The following PPME1 variants were observed in gnomAD, a reference collection of about 807,000 sequenced individuals.
The protein encoded by PPME1 is testicular secretory protein Li 39.
In PPME1, 17 loss-of-function variants were observed where a neutral mutation model predicts 56.9. The observed-to-expected ratio is 0.30, with a 90% confidence interval of 0.20 to 0.45. PPME1 has a LOEUF of 0.45. PPME1 is among the 20% of genes least tolerant of loss of function. The probability of loss-of-function intolerance (pLI) is 1.00; values close to 1 mark genes in which losing one functional copy is unlikely to be tolerated. For synonymous variants in PPME1, 122 were observed against 156.2 expected (o/e 0.78, Z 1.63); for missense variants, 357 against 483.2 (o/e 0.74, Z 2.45).
At chr11:74,202,204 T>G (rs1235058845) in intron 1 of PPME1, among the ~76,000 whole-genome samples, 1 of 152,232 alleles carries the variant, frequency 6.6e-6, no homozygotes, top group Non-Finnish European at 1.5e-5. Context: ...TTCCAAATCA[T>G]GTACTCTATC....
chr11:74,244,254 G>A (rs1859450597), intron 9 of PPME1, among the ~76,000 whole-genome samples: 1 of 152,138 alleles, frequency 6.6e-6, no homozygotes, highest in Admixed American at 6.5e-5. Flanking sequence ...CCCTCTTTGA[G>A]ATTCTGTTTT....
chr11:74,251,945 G>C (rs1436201542), intron 13 of PPME1: 1 of 717,872 alleles, frequency 1.4e-6, no homozygotes, highest in Non-Finnish European at 2.6e-6. Context: ...ATTAAATTGT[G>C]CCTAGTCTCA....
intron 7 of PPME1, among the ~76,000 whole-genome samples, chr11:74,235,030 T>G (rs187826325): frequency 6.6e-5 from 10 of 152,328 alleles, no homozygotes; most frequent in Admixed American, 4.6e-4. Flanking sequence ...ATTTGGTAGT[T>G]AAAAGATGAG....
intron 3 of PPME1, among the ~76,000 whole-genome samples, chr11:74,212,169 C>T (rs7949400): frequency 1.7e-4 from 26 of 152,220 alleles, no homozygotes; most frequent in Non-Finnish European, 2.5e-4. Context: ...TTGCGTGGAA[C>T]GGAGAGAGAA....
At chr11:74,209,263 C>T (rs1158984838) in intron 3 of PPME1, among the ~76,000 whole-genome samples, 1 of 152,082 alleles carries the variant, frequency 6.6e-6, no homozygotes, top group East Asian at 1.9e-4. Flanking sequence ...CGCGCTGCCA[C>T]ACTAGCTATT....
chr11:74,252,222 C>T (rs1258454380), intron 13 of PPME1, among the ~76,000 whole-genome samples: 2 of 149,834 alleles, frequency 1.3e-5, no homozygotes, highest in Non-Finnish European at 3.0e-5. Context: ...CGTACGCCAC[C>T]GTACCCGGCT....
intron 2 of PPME1, 121 bp from the exon 3 acceptor site, chr11:74,204,232 C>A: frequency 1.5e-6 from 1 of 683,298 alleles, no homozygotes. Flanking sequence ...AGTCTGCTTA[C>A]ATCTCTTACA....
At position 74,251,633 on chromosome 11, in the gene PPME1, C is replaced by A. The variant is rs755800681; in HGVS notation, c.1075-15C>A. 6.2e-7 allele frequency: 1 copy of A among 1,612,218 alleles called. No homozygotes were observed. Among genetic ancestry groups the A allele is most frequent in the Admixed American group, 1.7e-5 (1 of 59,984 alleles). On this transcript the variant is annotated splice_polypyrimidine_tract_variant and intron_variant, in intron 12 of 13. Coordinates refer to ENST00000328257, the MANE Select transcript of PPME1 (RefSeq NM_016147.3). ...CTAACCTTTATATGGCCTGGAATAT[C>A]TCTCCCATTTCCAGGTAGCTGAAGC...
rs929895686 is a variant in PPME1, at chr11:74,253,568, A to G, written c.*58A>G. Reference sequence around the variant, plus strand: ...CTCTGTTGTAAATACGTCGCACCAGAGGCCACTGTGATGCCACTGTCTCCT... The same window carrying G: ...CTCTGTTGTAAATACGTCGCACCAGGGGCCACTGTGATGCCACTGTCTCCT... On this transcript the variant is annotated 3_prime_UTR_variant, in exon 14 of 14. Coordinates refer to ENST00000328257, the MANE Select transcript of PPME1 (RefSeq NM_016147.3). 3.2e-5 allele frequency: 49 copies of G among 1,545,226 alleles called. No individual in the cohort carries two copies. Among genetic ancestry groups the G allele is most frequent in the Non-Finnish European group, 4.2e-5 (47 of 1,117,662 alleles).
chr11:74,221,394 A>G (rs17132846), intron 3 of PPME1, among the ~76,000 whole-genome samples: 15,879 of 152,212 alleles, frequency 0.1, 2,168 homozygotes, highest in African/African-American at 0.32. Flanking sequence ...ATTCATTAGA[A>G]TAATAGAAAT....
chr11:74,223,950 A>G lies in PPME1; in HGVS notation c.347-1255A>G, dbSNP rs534492302. Among the ~76,000 whole-genome samples the G allele has an allele frequency of 2.7e-3, 412 of 151,600 alleles. 2 individuals are homozygous for G. The highest frequency in any genetic ancestry group is 8.8e-3 in the African/African-American group (366 of 41,368). ...TGTGCAGAAGCTCTTTAGTTTAATT[A>G]GATCCCATTTGTCAATTTTGTCTTT... On this transcript the variant is annotated intron_variant, in intron 4 of 13. Transcript: ENST00000328257.
intron 1 of PPME1, among the ~76,000 whole-genome samples, chr11:74,189,248 A>C (rs1047376938): frequency 6.6e-6 from 1 of 152,146 alleles, no homozygotes; most frequent in African/African-American, 2.4e-5. Flanking sequence ...AAATATAATA[A>C]ATAAATAAAA....
At chr11:74,235,225 C>G (rs752601835) in intron 7 of PPME1, among the ~76,000 whole-genome samples, 8 of 152,176 alleles carry the variant, frequency 5.3e-5, no homozygotes, top group Non-Finnish European at 1.0e-4. Flanking sequence ...TCATTTTGCT[C>G]TGCCTTAGTT....
chr11:74,238,263 AACTTAC>A (rs1303240124), intron 8 of PPME1: 1 of 152,116 alleles, frequency 6.6e-6, no homozygotes, highest in Non-Finnish European at 1.5e-5. Context: ...AACATTTGTG[AACTTAC>A]ACTTCACTGA....
chr11:74,185,447 GT>G (rs780318150), intron 1 of PPME1, among the ~76,000 whole-genome samples: 2 of 152,206 alleles, frequency 1.3e-5, no homozygotes, highest in Admixed American at 6.5e-5. Flanking sequence ...TTTTCTTGCT[GT>G]TTTGGCAGAA....
intron 1 of PPME1, among the ~76,000 whole-genome samples, chr11:74,193,772 T>A (rs73565812): frequency 0.017 from 2,633 of 152,318 alleles, 76 homozygotes; most frequent in African/African-American, 0.06. Flanking sequence ...TAAACTTGAC[T>A]ATTTGTTTTT....
At chr11:74,251,133 C>CT in intron 12 of PPME1, 115 bp downstream of exon 12, 1 of 1,512,838 alleles carries the variant, frequency 6.6e-7, no homozygotes, top group Non-Finnish European at 8.9e-7. Flanking sequence ...GCTGTGGAGC[C>CT]TATGCAGATG....
chr11:74,222,568 A>G (rs1858825983), intron 4 of PPME1, 199 bp downstream of exon 4: 1 of 520,780 alleles, frequency 1.9e-6, no homozygotes, highest in African/African-American at 2.0e-5. Context: ...AGCTCACTGC[A>G]ACCTCTGCCT....
chr11:74,245,271 G>A (rs1279317636), intron 9 of PPME1, among the ~76,000 whole-genome samples: 1 of 151,612 alleles, frequency 6.6e-6, no homozygotes, highest in African/African-American at 2.4e-5. Flanking sequence ...ATTACTTTGG[G>A]TAGTATGGAC....
Sources: allele counts gnomAD v4.1 joint callset (sites outside exome capture counted in the v4.1 genomes callset), GRCh38; gene constraint gnomAD v4.1.1; transcripts MANE v1.5; gene names NCBI Gene and HGNC (gene_info 2026-07-23, HGNC 2026-07-21).